Variants in SHISA6 observed in about 807,000 individuals in gnomAD.
SHISA6 encodes the protein shisa family member 6.
Under a neutral mutation model 47.9 loss-of-function variants are expected in SHISA6, and 22 were observed. The observed-to-expected ratio is 0.46, with a 90% CI of 0.33 to 0.66. The LOEUF is 0.66. Ranked by LOEUF, SHISA6 falls within the 30% of genes least tolerant of loss-of-function variation. The probability of loss-of-function intolerance (pLI) is 0.02; values close to 1 mark genes in which losing one functional copy is unlikely to be tolerated. For missense variants in SHISA6, 680 were observed against 764.6 expected (o/e 0.89, Z 1.30); for synonymous variants, 388 against 337.8 (o/e 1.15, Z -1.63).
chr17:11,257,511 A>T (rs1041225156), intron 1 of SHISA6, among the ~76,000 whole-genome samples: 1 of 151,982 alleles, frequency 6.6e-6, no homozygotes, highest in Non-Finnish European at 1.5e-5. Context: ...AAATTAAAAA[A>T]TTAGCTGGGT....
chr17:11,514,401 A>C (rs1420889677), intron 3 of SHISA6, among the ~76,000 whole-genome samples: 1 of 152,204 alleles, frequency 6.6e-6, no homozygotes, highest in Non-Finnish European at 1.5e-5. Context: ...TTTGTAAGGC[A>C]TGATGGTATT....
intron 3 of SHISA6, among the ~76,000 whole-genome samples, chr17:11,382,545 T>C (rs1567590281): frequency 6.6e-6 from 1 of 152,232 alleles, no homozygotes; most frequent in Non-Finnish European, 1.5e-5. Flanking sequence ...AGGGAACAAT[T>C]CAGAAACATC....
At chr17:11,417,032 A>G (rs1030309599) in intron 3 of SHISA6, among the ~76,000 whole-genome samples, 12 of 152,226 alleles carry the variant, frequency 7.9e-5, no homozygotes, top group Non-Finnish European at 1.8e-4. Context: ...TGAAATAATT[A>G]AAATAAAATT....
intron 3 of SHISA6, among the ~76,000 whole-genome samples, chr17:11,511,503 C>CA (rs561748604): frequency 1.6e-3 from 247 of 150,878 alleles, no homozygotes; most frequent in East Asian, 5.7e-3. Context: ...CTTCCCCCCA[C>CA]AAAAAAACAG....
chr17:11,343,420 T>A (rs189842419), intron 2 of SHISA6, among the ~76,000 whole-genome samples: 1 of 152,184 alleles, frequency 6.6e-6, no homozygotes, highest in East Asian at 1.9e-4. Context: ...TTTGGGGGTG[T>A]GATACCAGTG....
chr17:11,521,760 G>A (rs375831616), intron 3 of SHISA6, among the ~76,000 whole-genome samples: 7 of 151,982 alleles, frequency 4.6e-5, no homozygotes, highest in East Asian at 1.9e-4. Context: ...CTAGGATCAC[G>A]CCTCTGCATT....
intron 3 of SHISA6, among the ~76,000 whole-genome samples, chr17:11,459,354 A>G (rs1218712780): frequency 7.2e-5 from 11 of 152,158 alleles, no homozygotes; most frequent in Admixed American, 7.2e-4. Context: ...TACTAATAAT[A>G]TGCCCCTGCT....
intron 1 of SHISA6, among the ~76,000 whole-genome samples, chr17:11,244,471 C>T (rs890407448): frequency 3.9e-5 from 6 of 152,098 alleles, no homozygotes; most frequent in African/African-American, 1.2e-4. Flanking sequence ...GCTTCCGGGG[C>T]ACGTCAGGGT....
At chr17:11,392,811 G>A (rs546820227) in intron 3 of SHISA6, among the ~76,000 whole-genome samples, 126 of 152,336 alleles carry the variant, frequency 8.3e-4, no homozygotes, top group Non-Finnish European at 1.6e-3. Flanking sequence ...GAAAAACCAA[G>A]GAGAGAGCCA....
At chr17:11,523,083 C>T (rs143156727) in intron 3 of SHISA6, among the ~76,000 whole-genome samples, 1,768 of 152,254 alleles carry the variant, frequency 0.012, 51 homozygotes, top group Admixed American at 0.058. Context: ...ATCCAGGATA[C>T]GGATGCTGAG....
intron 3 of SHISA6, among the ~76,000 whole-genome samples, chr17:11,479,705 C>A (rs561138739): frequency 6.6e-6 from 1 of 151,758 alleles, no homozygotes; most frequent in East Asian, 1.9e-4. Flanking sequence ...ACATTGGCAT[C>A]ATTCATTTCA....
chr17:11,354,492 C>T (rs1403905777), intron 2 of SHISA6, among the ~76,000 whole-genome samples: 1 of 152,224 alleles, frequency 6.6e-6, no homozygotes, highest in Admixed American at 6.5e-5. Flanking sequence ...CCTCCGACCT[C>T]ATGTTCCATT....
At chr17:11,469,396 A>G (rs2142320452) in intron 3 of SHISA6, among the ~76,000 whole-genome samples, 1 of 152,330 alleles carries the variant, frequency 6.6e-6, no homozygotes, top group South Asian at 2.1e-4. Flanking sequence ...TAGAGCCTCC[A>G]GAAAGAATGC....
intron 3 of SHISA6, among the ~76,000 whole-genome samples, chr17:11,475,236 C>A (rs531239091): frequency 5.3e-5 from 8 of 152,010 alleles, no homozygotes; most frequent in Non-Finnish European, 1.0e-4. Flanking sequence ...CAAACAAAGA[C>A]AATTTTATTT....
intron 3 of SHISA6, among the ~76,000 whole-genome samples, chr17:11,419,868 G>T (rs1914403522): frequency 6.6e-6 from 1 of 152,102 alleles, no homozygotes. Flanking sequence ...TTGTGTTCAT[G>T]ATCTCATCTG....
chr17:11,277,096 G>T (rs1908928629), intron 2 of SHISA6, among the ~76,000 whole-genome samples: 1 of 152,054 alleles, frequency 6.6e-6, no homozygotes, highest in South Asian at 2.1e-4. Flanking sequence ...ATAGCTGAGA[G>T]GTCTTACCCA....
intron 3 of SHISA6, among the ~76,000 whole-genome samples, chr17:11,421,545 CCCATAT>C (rs987618036): frequency 2.5e-4 from 38 of 152,200 alleles, no homozygotes; most frequent in African/African-American, 8.2e-4. Flanking sequence ...CTCCATTTTA[CCCATAT>C]CCAGCACGAA....
At chr17:11,513,338 TTTC>T (rs2142356649) in intron 3 of SHISA6, among the ~76,000 whole-genome samples, 1 of 152,196 alleles carries the variant, frequency 6.6e-6, no homozygotes, top group East Asian at 1.9e-4. Flanking sequence ...TTAACAGGCA[TTTC>T]TTTGATCACT....
chr17:11,403,959 C>A (rs1913861603), intron 3 of SHISA6, among the ~76,000 whole-genome samples: 1 of 152,090 alleles, frequency 6.6e-6, no homozygotes, highest in Non-Finnish European at 1.5e-5. Context: ...TCAGACATGC[C>A]CAGGGCCCTG....
Sources: gnomAD v4.1 joint callset for allele counts (sites outside exome capture counted in the v4.1 genomes callset) on GRCh38, gnomAD v4.1.1 for gene constraint, MANE v1.5 for transcripts, NCBI Gene and HGNC (gene_info 2026-07-23, HGNC 2026-07-21) for gene names.